AVEN: variants seen among roughly 807,000 people sequenced by gnomAD.
The protein encoded by AVEN is cell death regulator Aven.
AVEN carries 41 observed loss-of-function variants against 38.1 expected under a neutral mutation model. The ratio of observed to expected loss-of-function variants is 1.08; its 90% CI spans 0.84 to 1.40. The LOEUF is 1.40. AVEN is among the 40% of genes most tolerant of loss of function. The pLI is 0.00. For synonymous variants in AVEN, 206 were observed against 171.8 expected (o/e 1.20, Z -1.56); for missense variants, 605 against 438.8 (o/e 1.38, Z -3.38).
At chr15:34,073,207 A>ATTTTTTTTTTT (rs761265891) in intron 1 of AVEN, among the ~76,000 whole-genome samples, 186 of 111,804 alleles carry the variant, frequency 1.7e-3, no homozygotes, top group African/African-American at 3.0e-3. Context: ...CGCCCGGCTA[A>ATTTTTTTTTTT]TTTTTTTTTT....
intron 2 of AVEN, among the ~76,000 whole-genome samples, chr15:33,937,258 G>T (rs1423948716): frequency 2.6e-5 from 4 of 151,812 alleles, no homozygotes; most frequent in Non-Finnish European, 5.9e-5. Flanking sequence ...ATCAGGGCCG[G>T]GCACGGTGGC....
At chr15:34,073,634 C>T (rs533394124) in intron 1 of AVEN, among the ~76,000 whole-genome samples, 29 of 151,236 alleles carry the variant, frequency 1.9e-4, no homozygotes, top group African/African-American at 7.0e-4. Flanking sequence ...AATTCTCCTG[C>T]CTCAGCCTCC....
At chr15:34,008,326 T>C (rs1334392259) in intron 1 of AVEN, among the ~76,000 whole-genome samples, 2 of 151,258 alleles carry the variant, frequency 1.3e-5, no homozygotes, top group Admixed American at 6.6e-5. Context: ...GAGGCTGAGG[T>C]GATAGGATCA....
At chr15:34,051,233 C>G (rs1481354719) in intron 5 of AVEN, among the ~76,000 whole-genome samples, 3 of 152,202 alleles carry the variant, frequency 2.0e-5, no homozygotes, top group Non-Finnish European at 4.4e-5. Context: ...GAACAACCTA[C>G]TCCTGAATGA....
intron 2 of AVEN, among the ~76,000 whole-genome samples, chr15:33,877,678 C>T (rs116722129): frequency 0.033 from 5,056 of 152,152 alleles, 275 homozygotes; most frequent in African/African-American, 0.11. Context: ...AGACTGGTCA[C>T]GGTGTCTCAT....
chr15:33,964,128 C>T (rs1895301106), intron 2 of AVEN, among the ~76,000 whole-genome samples: 1 of 151,256 alleles, frequency 6.6e-6, no homozygotes, highest in Admixed American at 6.6e-5. Flanking sequence ...AAGTCTACCG[C>T]CAGGACATAG....
At position 33,956,417 on chromosome 15, in the gene AVEN, T is replaced by C. The variant is rs532734795; in HGVS notation, c.445+46615A>G. ...AAAATATGTATTTCAGTGTAATTAA[T>C]TTGCATCTCTCCTATGAGTGCATTG... On this transcript the variant is annotated intron_variant, in intron 2 of 5. Transcript: ENST00000306730. Among the ~76,000 whole-genome samples the C allele has an allele frequency of 4.6e-5, 7 of 152,358 alleles. No homozygotes were observed. The South Asian group carries it at 1.4e-3, about 32-fold the overall frequency.
At chr15:33,959,919 C>T (rs941977885) in intron 2 of AVEN, among the ~76,000 whole-genome samples, 1 of 152,066 alleles carries the variant, frequency 6.6e-6, no homozygotes, top group Non-Finnish European at 1.5e-5. Flanking sequence ...TGAGATTTAA[C>T]CAAAAATCAA....
chr15:33,854,240 G>C (rs2079407731), downstream of AVEN: 1 of 618,208 alleles, frequency 1.6e-6, no homozygotes, highest in African/African-American at 1.9e-5. Context: ...CTGTTCTCTT[G>C]TCTCATGGGG....
At chr15:33,874,538 G>T (rs1891141244) in intron 3 of AVEN, among the ~76,000 whole-genome samples, 1 of 152,026 alleles carries the variant, frequency 6.6e-6, no homozygotes, top group South Asian at 2.1e-4. Flanking sequence ...CACTTCCAGT[G>T]CAAAGTAGCT....
intron 2 of AVEN, among the ~76,000 whole-genome samples, chr15:33,962,469 T>C (rs1028870416): frequency 3.9e-5 from 6 of 152,214 alleles, no homozygotes; most frequent in African/African-American, 1.4e-4. Context: ...AGATACCTAA[T>C]TCATCAGCAA....
intron 2 of AVEN, among the ~76,000 whole-genome samples, chr15:33,979,428 G>A (rs1270706338): frequency 6.6e-6 from 1 of 152,070 alleles, no homozygotes; most frequent in East Asian, 1.9e-4. Flanking sequence ...AGGATCACAT[G>A]AGCCCAGGAG....
At chr15:33,922,267 G>A (rs1893424835) in intron 2 of AVEN, among the ~76,000 whole-genome samples, 1 of 152,108 alleles carries the variant, frequency 6.6e-6, no homozygotes, top group East Asian at 1.9e-4. Flanking sequence ...TTGCTTCTAA[G>A]CCCTTGTACC....
intron 5 of AVEN, among the ~76,000 whole-genome samples, chr15:34,049,946 G>A (rs1899874285): frequency 6.7e-6 from 1 of 149,292 alleles, no homozygotes; most frequent in Admixed American, 6.7e-5. Flanking sequence ...GGAGTGCAGT[G>A]GCACAATCTC....
chr15:33,921,565 G>A (rs1456227135), intron 2 of AVEN, among the ~76,000 whole-genome samples: 2 of 152,190 alleles, frequency 1.3e-5, no homozygotes, highest in East Asian at 1.9e-4. Context: ...AGCCAAGAAA[G>A]TTGGAAAGGT....
chr15:33,903,155 C>T (rs1198506130), intron 2 of AVEN, among the ~76,000 whole-genome samples: 1 of 152,170 alleles, frequency 6.6e-6, no homozygotes, highest in African/African-American at 2.4e-5. Flanking sequence ...AATACTCACC[C>T]GCAGTATTTG....
chr15:33,938,578 C>T (rs1774373637), intron 2 of AVEN, among the ~76,000 whole-genome samples: 1 of 152,112 alleles, frequency 6.6e-6, no homozygotes, highest in African/African-American at 2.4e-5. Context: ...TGTAACCAAC[C>T]AAAAATTAAC....
rs71119903 is a variant in AVEN at position 33,931,349 on chromosome 15, C to CTTTTTTTT, written c.446-55362_446-55355dup. ...AAAAAGAAACTATGCTGAATATTTT[C>CTTTTTTTT]TTTTTTTTTTTTTTTTTTTTTTTTT... On this transcript the variant is annotated intron_variant, in intron 2 of 5. Coordinates refer to ENST00000306730, the MANE Select transcript of AVEN (RefSeq NM_020371.3). 1.2e-4 allele frequency among the ~76,000 whole-genome samples: 11 copies of CTTTTTTTT among 89,296 alleles called. 1 individual carries two copies. Among genetic ancestry groups the CTTTTTTTT allele is most frequent in the African/African-American group, 2.1e-4 (4 of 19,390 alleles). The allele number at this position is 89,296 out of a possible 152,430, so 58.6% of individuals were successfully genotyped here. A position where few individuals can be genotyped will look rare whatever the true frequency, so the allele number is the denominator to read the frequency against.
At chr15:34,025,757 CGT>C (rs150188349) in intron 1 of AVEN, among the ~76,000 whole-genome samples, 4 of 132,986 alleles carry the variant, frequency 3.0e-5, no homozygotes, top group Admixed American at 7.5e-5. Flanking sequence ...TTTGGTTTTG[CGT>C]GTGTGTGTGT....
Sources: allele counts gnomAD v4.1 joint callset (sites outside exome capture counted in the v4.1 genomes callset), GRCh38; gene constraint gnomAD v4.1.1; transcripts MANE v1.5; gene names NCBI Gene and HGNC (gene_info 2026-07-23, HGNC 2026-07-21).